ABCA4: variants seen among roughly 807,000 people sequenced by gnomAD.
The protein encoded by ABCA4 is retinal-specific phospholipid-transporting ATPase ABCA4.
ABCA4 carries 196 observed loss-of-function variants against 263.7 expected under a neutral mutation model. The observed-to-expected ratio is 0.74, with a 90% CI of 0.66 to 0.84. The LOEUF is 0.84. ABCA4 is among the 40% of genes least tolerant of loss of function. The pLI, the probability that ABCA4 is intolerant of heterozygous loss-of-function variation, is 0.00. For synonymous variants in ABCA4, 1,133 were observed against 1,094.2 expected (o/e 1.04, Z -0.70); for missense variants, 2,792 against 2,855.1 (o/e 0.98, Z 0.50).
At chr1:94,027,800 T>C (rs973293924) in intron 30 of ABCA4, among the ~76,000 whole-genome samples, 2 of 152,196 alleles carry the variant, frequency 1.3e-5, no homozygotes, top group Non-Finnish European at 2.9e-5. Flanking sequence ...TCCCTAAACA[T>C]AGCACATGTG....
At position 94,001,054 on chromosome 1, in the gene ABCA4, C is replaced by A; in HGVS notation, c.6334G>T (p.Val2112Phe). The A allele has an allele frequency of 1.2e-6, 2 of 1,614,130 alleles. No homozygotes were observed. Among genetic ancestry groups the A allele is most frequent in the Non-Finnish European group, 1.7e-6 (2 of 1,180,022 alleles). Residue 2112 changes from valine (V) to phenylalanine (F), a missense_variant, in exon 46 of 50, where the codon GTC becomes TTC. Val to Phe is a conservative substitution (Grantham distance 50, BLOSUM62 -1). Transcript: ENST00000370225. ...CCTTCTCTGATGATGCTCACGATGA[C>A]GTTCCACAGCATGCGGCGTGCCTGG... Reference protein sequence around the residue: ...DPQARRMLWNVIVSIIREGRA... With the variant: ...DPQARRMLWNFIVSIIREGRA...
At chr1:94,080,861 G>A (rs1394474045) in intron 7 of ABCA4, 143 bp from the exon 8 acceptor site, 16 of 1,301,196 alleles carry the variant, frequency 1.2e-5, no homozygotes, top group Admixed American at 6.5e-5. Flanking sequence ...ATCCAGCTGC[G>A]AAAAACAAAA....
chr1:94,111,167 G>A (rs540959986), intron 3 of ABCA4, among the ~76,000 whole-genome samples: 2 of 152,320 alleles, frequency 1.3e-5, no homozygotes, highest in African/African-American at 2.4e-5. Context: ...TCTCTGCAGC[G>A]GGCTGCCATC....
intron 5 of ABCA4, 51 bp from the exon 6 acceptor site, chr1:94,099,042 C>T: frequency 6.4e-7 from 1 of 1,557,710 alleles, no homozygotes; most frequent in Admixed American, 1.8e-5. Context: ...AGGAAAGACA[C>T]CCACGTCCTA....
intron 38 of ABCA4, among the ~76,000 whole-genome samples, chr1:94,012,104 A>T (rs919763362): frequency 1.3e-5 from 2 of 152,216 alleles, no homozygotes; most frequent in Admixed American, 6.5e-5. Context: ...GTACGAGGCC[A>T]GCATAGCTCC....
intron 47 of ABCA4, among the ~76,000 whole-genome samples, chr1:93,999,556 G>GT (rs2100991728): frequency 6.6e-6 from 1 of 152,302 alleles, no homozygotes; most frequent in African/African-American, 2.4e-5. Flanking sequence ...AGGATGGCTG[G>GT]TTACCCTCTC....
Position 94,029,435 on chromosome 1 carries a change from G to A in ABCA4, c.4539+10C>T, listed in dbSNP as rs1165732724. ...CAGACCTGGGGCCCCGTTGTTTGGA[G>A]GTCAGGTACCTGGGGGGGCGGGAGG... On this transcript the variant is annotated intron_variant, in intron 30 of 49. Transcript: ENST00000370225. The A allele has an allele frequency of 6.5e-7, 1 of 1,545,710 alleles. No individual in the cohort carries two copies. The highest frequency in any genetic ancestry group is 8.7e-7 in the Non-Finnish European group (1 of 1,145,070).
rs746468013 is a variant in ABCA4, at chr1:94,031,959, T to G, written c.3947A>C (p.Asp1316Ala). ...CGCCCCTGGGGAGCAGACATTGGAG[T>G]CCTGGGGTGTCTGTCCAGCCTTCTC... ...PREKAGQTPQDSNVCSPGAPA... is the reference protein window; with the variant it reads ...PREKAGQTPQASNVCSPGAPA... The change falls in exon 27 of 50, where the codon GAC (aspartate) becomes GCC (alanine). Residue 1316 changes from aspartate to alanine, a missense_variant. By Grantham distance (126) the Asp-to-Ala change is moderately radical. Coordinates refer to ENST00000370225, the MANE Select transcript of ABCA4 (RefSeq NM_000350.3). 1 of 1,613,850 alleles carries G rather than the reference T, an allele frequency of 6.2e-7. No individual in the cohort carries two copies. Among genetic ancestry groups the G allele is most frequent in the Non-Finnish European group, 8.5e-7 (1 of 1,179,954 alleles).
At chr1:94,018,220 G>C (rs373432870) in intron 36 of ABCA4, among the ~76,000 whole-genome samples, 2 of 150,996 alleles carry the variant, frequency 1.3e-5, no homozygotes, top group African/African-American at 4.8e-5. Context: ...CACACACACA[G>C]AAACACGTGG....
chr1:94,060,444 TG>T, intron 14 of ABCA4, 92 bp downstream of exon 14: 1 of 1,198,210 alleles, frequency 8.3e-7, no homozygotes, highest in Non-Finnish European at 1.2e-6. Flanking sequence ...CTCTCCTTGG[TG>T]GCCACATGAC....
rs61753056 is a variant in ABCA4, at chr1:94,080,644, G to A, written c.933C>T (p.Thr311=). The A allele has an allele frequency of 1.2e-6, 2 of 1,614,016 alleles. No individual in the cohort carries two copies. The highest frequency in any genetic ancestry group is 2.7e-5 in the African/African-American group (2 of 74,898). The change falls in exon 8 of 50, where the codon ACC becomes ACT. Residue 311 remains threonine (T), a synonymous_variant. Transcript: ENST00000370225. ...RPLMQNGGPE[T]FTKLMGILSD... is the part of the protein sequence containing the mutation. ...ACAGGATGCCCATCAGCTTTGTAAA[G>A]GTCTCTGGACCACCATTCTGCATGA...
At position 94,021,843 on chromosome 1, in the gene ABCA4, T is replaced by C. The variant is rs759672616; in HGVS notation, c.4773+3A>G. 74 of 1,613,980 alleles carry C rather than the reference T, an allele frequency of 4.6e-5. No homozygotes were observed. The highest frequency in any genetic ancestry group is 4.6e-5 in the Non-Finnish European group (54 of 1,179,960). On this transcript the variant is annotated splice_donor_region_variant and intron_variant, in intron 33 of 49. Transcript: ENST00000370225. Reference sequence around the variant, plus strand: ...TACTCAAATCTCCAGTCTGTTTACATACCCCGCTCACATTCATGATCCGGC... The same window carrying C: ...TACTCAAATCTCCAGTCTGTTTACACACCCCGCTCACATTCATGATCCGGC...
chr1:94,069,967 G>C (rs1354086505), intron 11 of ABCA4, among the ~76,000 whole-genome samples: 1 of 152,208 alleles, frequency 6.6e-6, no homozygotes, highest in Non-Finnish European at 1.5e-5. Flanking sequence ...GGAGGACAAA[G>C]ATTCACACTG....
chr1:94,048,802 C>G (rs1455258739), intron 18 of ABCA4, 66 bp downstream of exon 18: 1 of 1,494,910 alleles, frequency 6.7e-7, no homozygotes, highest in Non-Finnish European at 9.3e-7. Context: ...ATGTTTTGCT[C>G]TGGCCCTCTG....
At chr1:94,081,052 G>A (rs1306868457) in intron 7 of ABCA4, among the ~76,000 whole-genome samples, 7 of 151,962 alleles carry the variant, frequency 4.6e-5, no homozygotes, top group African/African-American at 1.5e-4. Context: ...GTGAAACCCC[G>A]TCTCTATTAA....
chr1:94,019,597 G>T lies in ABCA4; in HGVS notation c.5181C>A (p.Asn1727Lys), dbSNP rs764510820. The change falls in exon 36 of 50, where the codon AAC (asparagine) becomes AAA (lysine). Residue 1727 changes from asparagine to lysine, a missense_variant. Physicochemically the swap from Asn to Lys is moderately conservative, Grantham distance 94 (BLOSUM62 0). Transcript: ENST00000370225. The stretch of plus-strand genomic sequence containing the variant: ...TGACACTTACGATGTCCCAGAGGAA[G>T]TTGGTCACCCAGTAGGTGGTGGGGC... ...GVSPTTYWVT[N>K]FLWDIMNYSV... 1.9e-6 allele frequency: 3 copies of T among 1,608,058 alleles called. No homozygotes were observed. Among genetic ancestry groups the T allele is most frequent in the Non-Finnish European group, 2.5e-6 (3 of 1,177,058 alleles).
intron 14 of ABCA4, 51 bp from the exon 15 acceptor site, chr1:94,056,873 T>A: frequency 1.4e-6 from 2 of 1,452,836 alleles, no homozygotes; most frequent in Non-Finnish European, 1.9e-6. Context: ...GCCGGACGCC[T>A]TCTCATTCTG....
At chr1:94,023,968 A>T (rs1659970348) in intron 31 of ABCA4, among the ~76,000 whole-genome samples, 1 of 152,222 alleles carries the variant, frequency 6.6e-6, no homozygotes, top group Non-Finnish European at 1.5e-5. Flanking sequence ...CTTTAAGCAC[A>T]CACGCACAAA....
rs186873580 is a variant in ABCA4, at chr1:94,076,154, A to T, written c.1554+1536T>A. Among the ~76,000 whole-genome samples, 7 of 152,330 alleles carry T rather than the reference A, an allele frequency of 4.6e-5. No individual in the cohort carries two copies. In the East Asian group the frequency reaches 1.4e-3, roughly 29 times the overall value. On this transcript the variant is annotated intron_variant, in intron 11 of 49. Transcript: ENST00000370225. ...TCCACTTCACAGTAATCCTGCTCAT[A>T]GAAATGGCCCCATGGTGGGCAGCTG...
Sources: gnomAD v4.1 joint callset for allele counts (sites outside exome capture counted in the v4.1 genomes callset) on GRCh38, gnomAD v4.1.1 for gene constraint, MANE v1.5 for transcripts, NCBI Gene and HGNC (gene_info 2026-07-23, HGNC 2026-07-21) for gene names.